SYTL5: variants seen among roughly 807,000 people sequenced by gnomAD.
SYTL5 encodes the protein synaptotagmin-like protein 5.
Under a neutral mutation model 55.9 loss-of-function variants are expected in SYTL5, and 34 were observed. The observed-to-expected ratio is 0.61, with a 90% CI of 0.46 to 0.81. SYTL5 has a LOEUF of 0.81. SYTL5 is among the 30% of genes least tolerant of loss of function. The probability of loss-of-function intolerance (pLI) is 0.00; values close to 1 mark genes in which losing one functional copy is unlikely to be tolerated. For missense variants in SYTL5, 637 were observed against 546.7 expected (o/e 1.17, Z -1.65); for synonymous variants, 221 against 188.7 (o/e 1.17, Z -1.40).
the SYTL5 span, among the ~76,000 whole-genome samples, chrX:37,923,746 A>T: frequency 5.6e-4 from 62 of 111,082 alleles, no homozygotes; most frequent in African/African-American, 1.9e-3. Context: ...CTTAGTCAAT[A>T]TTGTGAATTT....
At chrX:37,980,504 A>T in the SYTL5 span, among the ~76,000 whole-genome samples, 1 of 112,638 alleles carries the variant, frequency 8.9e-6, no homozygotes, top group African/African-American at 3.2e-5. Context: ...CTAAAGGCGT[A>T]TAGCAAGGGA....
the SYTL5 span, among the ~76,000 whole-genome samples, chrX:37,983,255 A>G: frequency 8.9e-6 from 1 of 112,165 alleles, no homozygotes; most frequent in African/African-American, 3.2e-5. Context: ...GGCTGAATTA[A>G]AAAACAAGAT....
intron 9 of SYTL5, among the ~76,000 whole-genome samples, chrX:38,097,430 A>G (rs1936962513): frequency 9.0e-6 from 1 of 110,996 alleles, no homozygotes; most frequent in South Asian, 3.7e-4. Context: ...CAATTGGAAA[A>G]TGAAATTAAG....
In SYTL5 at chrX:38,120,428, C is replaced by T. The variant is rs1937557739; in HGVS notation, c.1667C>T (p.Pro556Leu). Residue 556 changes from proline to leucine, a missense_variant, in exon 14 of 17, where the codon CCA becomes CTA. Transcript: ENST00000297875. ...ACAGTTGTTTTACGTTACATTCCCC[C>T]AGAAGAGAACCTGATGCTTCCACCA... The part of the protein sequence containing the change: ...ELTVVLRYIP[P>L]EENLMLPPEQ... The T allele has an allele frequency of 3.3e-6, 4 of 1,209,731 alleles. No homozygotes were observed. Among genetic ancestry groups the T allele is most frequent in the Non-Finnish European group, 4.5e-6 (4 of 893,711 alleles).
chrX:37,948,178 A>T, the SYTL5 span, among the ~76,000 whole-genome samples: 859 of 110,688 alleles, frequency 7.8e-3, 7 homozygotes, highest in Admixed American at 0.015. Flanking sequence ...TCCCAAGTTT[A>T]TCCTATTACC....
chrX:37,941,164 G>C, the SYTL5 span, among the ~76,000 whole-genome samples: 1 of 111,589 alleles, frequency 9.0e-6, no homozygotes, highest in Admixed American at 9.5e-5. Flanking sequence ...GTGTCATAAG[G>C]ACAAGTAAAA....
intron 7 of SYTL5, 97 bp downstream of exon 7, chrX:38,089,684 A>G (rs1936750283): frequency 2.1e-6 from 2 of 952,159 alleles, no homozygotes; most frequent in Admixed American, 6.5e-5. Context: ...AAAGAGATTT[A>G]ATTGACTCAC....
intron 1 of SYTL5, among the ~76,000 whole-genome samples, chrX:38,016,305 T>C (rs1276984879): frequency 8.9e-6 from 1 of 111,915 alleles, no homozygotes; most frequent in Admixed American, 9.5e-5. Flanking sequence ...AGAAAAAGTT[T>C]GCCAACCTCT....
intron 13 of SYTL5, among the ~76,000 whole-genome samples, chrX:38,111,697 C>T (rs766426913): frequency 1.8e-5 from 2 of 112,297 alleles, no homozygotes; most frequent in Non-Finnish European, 3.8e-5. Context: ...TTGCACCACA[C>T]TGTTCAGAAG....
At chrX:37,963,753 A>C in the SYTL5 span, among the ~76,000 whole-genome samples, 1 of 111,863 alleles carries the variant, frequency 8.9e-6, no homozygotes, top group Non-Finnish European at 1.9e-5. Context: ...TGCTTTTGCT[A>C]GGATTCCAGT....
chrX:37,941,541 G>C, the SYTL5 span, among the ~76,000 whole-genome samples: 1 of 109,749 alleles, frequency 9.1e-6, no homozygotes, highest in Non-Finnish European at 1.9e-5. Flanking sequence ...CTGTCTGAGG[G>C]CTTTTTTTCC....
intron 10 of SYTL5, among the ~76,000 whole-genome samples, chrX:38,104,236 G>T (rs1168121991): frequency 8.9e-6 from 1 of 112,044 alleles, no homozygotes; most frequent in Non-Finnish European, 1.9e-5. Context: ...AGGTGTTGTT[G>T]TGTTTCCCTT....
the SYTL5 span, among the ~76,000 whole-genome samples, chrX:37,982,160 CTG>C: frequency 9.0e-6 from 1 of 111,572 alleles, no homozygotes; most frequent in Non-Finnish European, 1.9e-5. Context: ...CTAATGGAAA[CTG>C]TGATTAAAGA....
In SYTL5 at chrX:38,106,640, T is replaced by C. The variant is rs894028502; in HGVS notation, c.1203T>C (p.Tyr401=). The change falls in exon 11 of 17, where the codon TAT becomes TAC. Residue 401 remains tyrosine (Y), a synonymous_variant. Transcript: ENST00000297875. ...GCGTTTACAGTGAAACGGGAGACTA[T>C]GGCAACGTGAAAGTCAGTGGTGAAA... ...MMSVYSETGD[Y]GNVKVSGEIL... The C allele has an allele frequency of 5.8e-6, 7 of 1,208,637 alleles. No individual in the cohort carries two copies. The highest frequency in any genetic ancestry group is 3.0e-5 in the East Asian group (1 of 33,712).
At chrX:37,996,458 T>G in the SYTL5 span, among the ~76,000 whole-genome samples, 1 of 112,481 alleles carries the variant, frequency 8.9e-6, no homozygotes, top group Non-Finnish European at 1.9e-5. Flanking sequence ...AGTGTCCTAT[T>G]GGGAGTGTGA....
At chrX:37,985,299 T>TA in the SYTL5 span, among the ~76,000 whole-genome samples, 1 of 111,952 alleles carries the variant, frequency 8.9e-6, no homozygotes, top group Non-Finnish European at 1.9e-5. Context: ...AAGATCAATA[T>TA]ATAAAAATCA....
At chrX:37,989,343 A>G in the SYTL5 span, among the ~76,000 whole-genome samples, 1 of 112,424 alleles carries the variant, frequency 8.9e-6, no homozygotes, top group South Asian at 3.7e-4. Context: ...ATGCCAGCTT[A>G]GACTGAAAGG....
chrX:37,896,374 C>A, the SYTL5 span, among the ~76,000 whole-genome samples: 1 of 111,642 alleles, frequency 9.0e-6, no homozygotes, highest in Non-Finnish European at 1.9e-5. Flanking sequence ...CCTCTTTGCA[C>A]ATCTGTTTAT....
upstream of SYTL5, among the ~76,000 whole-genome samples, chrX:38,005,501 A>G (rs1933966655): frequency 9.0e-6 from 1 of 111,521 alleles, no homozygotes; most frequent in Admixed American, 9.6e-5. Context: ...AAATGTACAG[A>G]TAGTGAATTT....
Sources: allele counts gnomAD v4.1 joint callset (sites outside exome capture counted in the v4.1 genomes callset), GRCh38; gene constraint gnomAD v4.1.1; transcripts MANE v1.5; gene names NCBI Gene and HGNC (gene_info 2026-07-23, HGNC 2026-07-21).